CAPN3: variants seen among roughly 807,000 people sequenced by gnomAD.
The protein encoded by CAPN3 is calpain 3, also known as calpain-3.
Under a neutral mutation model 114.0 loss-of-function variants are expected in CAPN3, and 88 were observed. That is an observed-to-expected ratio of 0.77 (90% CI 0.65 to 0.92). The LOEUF (loss-of-function observed/expected upper bound fraction) is 0.92, where lower values mean the gene tolerates loss of function less well. Ranked by LOEUF, CAPN3 falls within the 40% of genes least tolerant of loss-of-function variation. The probability of loss-of-function intolerance (pLI) is 0.00; values close to 1 mark genes in which losing one functional copy is unlikely to be tolerated. For missense variants in CAPN3, 1,028 were observed against 1,069.0 expected (o/e 0.96, Z 0.53); for synonymous variants, 386 against 382.9 (o/e 1.01, Z -0.09).
At chr15:42,398,479 C>G (rs1432799439) in intron 9 of CAPN3, among the ~76,000 whole-genome samples, 1 of 151,438 alleles carries the variant, frequency 6.6e-6, no homozygotes, top group African/African-American at 2.4e-5. Flanking sequence ...AGCTGCTCAG[C>G]TGGCTGAGGC....
At chr15:42,397,315 T>G (rs1595831894) in intron 9 of CAPN3, among the ~76,000 whole-genome samples, 2 of 152,316 alleles carry the variant, frequency 1.3e-5, no homozygotes, top group South Asian at 4.1e-4. Context: ...CCCCGAGGAC[T>G]GGGATTAATT....
At position 42,389,944 on chromosome 15, in the gene CAPN3, G is replaced by C. The variant is rs761211705; in HGVS notation, c.802-9G>C. The C allele has an allele frequency of 2.5e-6, 4 of 1,613,456 alleles. No individual in the cohort carries two copies. Among genetic ancestry groups the C allele is most frequent in the Non-Finnish European group, 3.4e-6 (4 of 1,179,958 alleles). On this transcript the variant is annotated splice_polypyrimidine_tract_variant and intron_variant, in intron 5 of 23. Transcript: ENST00000397163. ...TGTGTTGTTCCCTACATTCTCCATC[G>C]GGCCTCAGGATGGCACGAACATGAC...
intron 1 of CAPN3, among the ~76,000 whole-genome samples, chr15:42,380,272 A>G (rs1272853121): frequency 6.8e-6 from 1 of 147,114 alleles, no homozygotes; most frequent in African/African-American, 2.5e-5. Context: ...CATTTATTGC[A>G]TTTGTTCTTG....
intron 14 of CAPN3, chr15:42,404,221 C>T (rs1425487997): frequency 4.4e-6 from 2 of 457,150 alleles, no homozygotes; most frequent in Non-Finnish European, 8.8e-6. Flanking sequence ...TAATCCCTCT[C>T]ACTCAGTTTC....
rs2053443240 is a variant in CAPN3, at chr15:42,387,784, T to C, written c.530T>C (p.Val177Ala). 14 of 1,614,190 alleles carry C rather than the reference T, an allele frequency of 8.7e-6. No individual in the cohort carries two copies. The highest frequency in any genetic ancestry group is 1.2e-5 in the Non-Finnish European group (14 of 1,180,028). Residue 177 changes from valine to alanine, a missense_variant, in exon 4 of 24, where the codon GTT (valine) becomes GCT (alanine). By Grantham distance (64) the Val-to-Ala change is moderately conservative (BLOSUM62 0). Transcript: ENST00000397163. Reference protein sequence around the residue: ...FWRYGEWVDVVIDDCLPTYNN... With the variant: ...FWRYGEWVDVAIDDCLPTYNN... ...CGCTATGGAGAGTGGGTGGACGTGG[T>C]TATAGATGACTGCCTGCCAACGTAC...
rs779701414 is a variant in CAPN3, at chr15:42,388,928, G to C, written c.633G>C (p.Lys211Asn). 4.3e-6 allele frequency: 7 copies of C among 1,613,768 alleles called. No homozygotes were observed. Among genetic ancestry groups the C allele is most frequent in the Non-Finnish European group, 5.9e-6 (7 of 1,180,008 alleles). ...WSALLEKAYAKLHGSYEALKG... is the reference protein window; with the variant it reads ...WSALLEKAYANLHGSYEALKG... ...AATTGGTCTTCATCCTCTCTCTAAG[G>C]CTCCATGGTTCCTACGAAGCTCTGA... Residue 211 changes from lysine to asparagine, a missense_variant and splice_region_variant, in exon 5 of 24, where the codon AAG (lysine) becomes AAC (asparagine). Coordinates refer to ENST00000397163, the MANE Select transcript of CAPN3 (RefSeq NM_000070.3).
At chr15:42,409,478 C>T (rs1195025309) in intron 17 of CAPN3, 98 bp downstream of exon 17, 10 of 1,245,156 alleles carry the variant, frequency 8.0e-6, no homozygotes, top group Non-Finnish European at 1.2e-5. Flanking sequence ...TGGTAGAGGT[C>T]ACTTTGGACT....
intron 17 of CAPN3, among the ~76,000 whole-genome samples, 158 bp downstream of exon 17, chr15:42,409,538 G>A (rs1397627490): frequency 6.6e-6 from 1 of 152,186 alleles, no homozygotes; most frequent in Non-Finnish European, 1.5e-5. Context: ...ACAAGCCCTT[G>A]AGTTTTGGAC....
chr15:42,372,875 T>A (rs1438353428), intron 1 of CAPN3, among the ~76,000 whole-genome samples: 1 of 149,810 alleles, frequency 6.7e-6, no homozygotes, highest in Non-Finnish European at 1.5e-5. Flanking sequence ...TTTAAGCTAT[T>A]ATTTACCCTG....
intron 2 of CAPN3, among the ~76,000 whole-genome samples, chr15:42,385,220 C>T (rs1333649156): frequency 6.6e-6 from 1 of 152,128 alleles, no homozygotes; most frequent in African/African-American, 2.4e-5. Context: ...AAAGGGGGCA[C>T]CTAAGACCAA....
chr15:42,369,683 C>G (rs1211931472), intron 1 of CAPN3, among the ~76,000 whole-genome samples: 1 of 151,888 alleles, frequency 6.6e-6, no homozygotes, highest in Non-Finnish European at 1.5e-5. Flanking sequence ...GTTTTCTGGC[C>G]ACAACAAAAT....
At chr15:42,407,794 G>T (rs1485329096) in intron 15 of CAPN3, among the ~76,000 whole-genome samples, 2 of 152,142 alleles carry the variant, frequency 1.3e-5, no homozygotes, top group Non-Finnish European at 2.9e-5. Flanking sequence ...GTGATGTGGG[G>T]TGCTGAGGGC....
intron 7 of CAPN3, among the ~76,000 whole-genome samples, chr15:42,393,209 A>T (rs1032799870): frequency 6.6e-6 from 1 of 152,156 alleles, no homozygotes; most frequent in Non-Finnish European, 1.5e-5. Context: ...TCATCTCTGG[A>T]TTACTTACGA....
chr15:42,383,544 G>A (rs1254202910), intron 1 of CAPN3, among the ~76,000 whole-genome samples: 7 of 152,088 alleles, frequency 4.6e-5, no homozygotes, highest in African/African-American at 7.2e-5. Flanking sequence ...AGCCGAGATC[G>A]CGCCACTGTA....
chr15:42,382,775 G>T (rs190161388), intron 1 of CAPN3, among the ~76,000 whole-genome samples: 1 of 152,258 alleles, frequency 6.6e-6, no homozygotes, highest in African/African-American at 2.4e-5. Context: ...TTCCAAAAGG[G>T]ATAGACAGCC....
rs538736719 is a variant in CAPN3, at chr15:42,409,177, G to A, written c.1915-126G>A. 4.4e-5 allele frequency: 35 copies of A among 794,356 alleles called. 1 individual carries two copies. Among genetic ancestry groups the A allele is most frequent in the Middle Eastern group, 3.1e-4 (1 of 3,232 alleles). 49.2% of individuals were successfully genotyped at this position (794,356 alleles called of 1,614,324 possible). On this transcript the variant is annotated intron_variant, in intron 16 of 23. Coordinates refer to ENST00000397163, the MANE Select transcript of CAPN3 (RefSeq NM_000070.3). ...CAGCTCACCAGGTCTGCATTTGCCCGTCCCCAGCTCCTGCTGCCACCTCCG... is the reference window on the plus strand; with the variant it reads ...CAGCTCACCAGGTCTGCATTTGCCCATCCCCAGCTCCTGCTGCCACCTCCG...
chr15:42,403,129 A>C, intron 13 of CAPN3, 127 bp downstream of exon 13: 1 of 747,370 alleles, frequency 1.3e-6, no homozygotes, highest in Non-Finnish European at 2.4e-6. Flanking sequence ...GCCACTGGCC[A>C]CATTACCCCC....
At chr15:42,394,104 G>A (rs1164207303) in intron 7 of CAPN3, 152 bp from the exon 8 acceptor site, 4 of 759,786 alleles carry the variant, frequency 5.3e-6, no homozygotes, top group Non-Finnish European at 9.3e-6. Context: ...CCATTCCCCA[G>A]CACACTTGTG....
rs750085971 is a variant in CAPN3, at chr15:42,390,112, A to AT, written c.945+18dup. 1.7e-5 allele frequency: 28 copies of AT among 1,614,002 alleles called. No individual in the cohort carries two copies. Among genetic ancestry groups the AT allele is most frequent in the Non-Finnish European group, 2.3e-5 (27 of 1,179,976 alleles). ...ACCGACCCGGGTGTGTACACCTCCG[A>AT]TTATCAGAACTGACCATCCCTCCAA... On this transcript the variant is annotated intron_variant, in intron 6 of 23. Transcript: ENST00000397163.
Sources: allele counts gnomAD v4.1 joint callset (sites outside exome capture counted in the v4.1 genomes callset), GRCh38; gene constraint gnomAD v4.1.1; transcripts MANE v1.5; gene names NCBI Gene and HGNC (gene_info 2026-07-23, HGNC 2026-07-21).